Variants in SPATA9 observed in about 807,000 individuals in gnomAD.
The protein encoded by SPATA9 is spermatogenesis-associated protein 9.
SPATA9 carries 27 observed loss-of-function variants against 25.5 expected under a neutral mutation model. The observed-to-expected ratio is 1.06, with a 90% confidence interval of 0.78 to 1.46. The LOEUF is 1.46. SPATA9 is among the 40% of genes most tolerant of loss of function. The pLI is 0.00. For synonymous variants in SPATA9, 102 were observed against 105.7 expected, an observed-to-expected ratio of 0.97 and a Z score of 0.21; for missense variants, 282 against 297.5, an observed-to-expected ratio of 0.95 and a Z score of 0.38.
Position 95,680,731 on chromosome 5 carries a change from A to G in SPATA9, c.150+1797T>C, listed in dbSNP as rs114297740. Among the ~76,000 whole-genome samples the G allele has an allele frequency of 5.7e-3, 875 of 152,312 alleles. 13 individuals carry two copies. Among genetic ancestry groups the G allele is most frequent in the African/African-American group, 0.02 (817 of 41,566 alleles). On this transcript the variant is annotated intron_variant, in intron 2 of 4. Transcript: ENST00000274432. ...CACTATACACTGATGATTCCCAAAT[A>G]TACATCTTCAGCCGGGCTTCTCTTG...
In SPATA9 at chr5:95,673,946, G is replaced by C. The variant is rs139234195; in HGVS notation, c.378+1466C>G. ...GTGGAGACAGGGTTTCGCCATGTTG[G>C]CCAGGCTGGTCTCAAACTCCTGAGC... On this transcript the variant is annotated intron_variant, in intron 3 of 4. Transcript: ENST00000274432. Among the ~76,000 whole-genome samples, 888 of 152,010 alleles carry C rather than the reference G, an allele frequency of 5.8e-3. 3 individuals carry two copies. Among genetic ancestry groups the C allele is most frequent in the Non-Finnish European group, 9.8e-3 (667 of 67,950 alleles).
the SPATA9 span, among the ~76,000 whole-genome samples, chr5:95,722,775 G>A: frequency 5.9e-5 from 9 of 152,138 alleles, no homozygotes; most frequent in Non-Finnish European, 1.2e-4. Context: ...GAGCCACTGC[G>A]CCCAGCCTAA....
the SPATA9 span, among the ~76,000 whole-genome samples, chr5:95,715,811 C>G: frequency 9.9e-5 from 15 of 151,834 alleles, no homozygotes; most frequent in Non-Finnish European, 4.4e-5. Context: ...AATGAGAAGC[C>G]ATATGTAACA....
the SPATA9 span, chr5:95,731,958 G>A: frequency 6.2e-7 from 1 of 1,614,152 alleles, no homozygotes; most frequent in South Asian, 1.1e-5. Context: ...GAAGCCCTCT[G>A]GTCTCCGGGG....
downstream of SPATA9, chr5:95,654,002 T>C (rs1750542513): frequency 5.5e-6 from 8 of 1,466,568 alleles, no homozygotes; most frequent in Admixed American, 1.5e-4. Flanking sequence ...TTATCTCCAT[T>C]AAGCTGGAAC....
the SPATA9 span, among the ~76,000 whole-genome samples, chr5:95,706,384 T>C: frequency 6.6e-6 from 1 of 151,560 alleles, no homozygotes; most frequent in Non-Finnish European, 1.5e-5. Flanking sequence ...GTGTAGCACC[T>C]CCCCCTTCCC....
intron 2 of SPATA9, among the ~76,000 whole-genome samples, chr5:95,679,692 C>T (rs377452935): frequency 6.6e-6 from 1 of 152,210 alleles, no homozygotes; most frequent in Admixed American, 6.5e-5. Context: ...ATGACCGCCT[C>T]TTCCTATGAT....
chr5:95,715,783 C>T, the SPATA9 span, among the ~76,000 whole-genome samples: 13 of 152,112 alleles, frequency 8.5e-5, no homozygotes, highest in African/African-American at 2.4e-4. Context: ...AACAAAGAAA[C>T]TAAAAGATTA....
At chr5:95,662,572 T>G (rs1418807385) in intron 4 of SPATA9, among the ~76,000 whole-genome samples, 1 of 152,142 alleles carries the variant, frequency 6.6e-6, no homozygotes, top group Non-Finnish European at 1.5e-5. Context: ...GCTAAGAATT[T>G]CTTCCTTAAA....
At chr5:95,680,535 C>T (rs114887684) in intron 2 of SPATA9, among the ~76,000 whole-genome samples, 49 of 152,288 alleles carry the variant, frequency 3.2e-4, no homozygotes, top group African/African-American at 1.1e-3. Flanking sequence ...TCTTCATTCT[C>T]TTCTTTTCTC....
At chr5:95,704,013 A>G in the SPATA9 span, among the ~76,000 whole-genome samples, 1 of 152,140 alleles carries the variant, frequency 6.6e-6, no homozygotes, top group African/African-American at 2.4e-5. Context: ...ACAAACGTGC[A>G]TGCAGATACA....
downstream of SPATA9, chr5:95,655,368 A>G (rs1041104023): frequency 6.6e-6 from 1 of 152,198 alleles, no homozygotes; most frequent in Non-Finnish European, 1.5e-5. Context: ...AATTTTCTCC[A>G]GTTTCAGTCC....
chr5:95,696,893 A>G (rs1354025099), intron 1 of SPATA9, among the ~76,000 whole-genome samples: 1 of 152,208 alleles, frequency 6.6e-6, no homozygotes, highest in Non-Finnish European at 1.5e-5. Context: ...TAATTTCTTA[A>G]AGATTAGGTG....
intron 2 of SPATA9, among the ~76,000 whole-genome samples, chr5:95,677,147 T>C (rs1473622287): frequency 6.6e-6 from 1 of 152,190 alleles, no homozygotes; most frequent in African/African-American, 2.4e-5. Context: ...TTGCATCCCT[T>C]CTCTGCTATA....
chr5:95,654,463 T>C (rs1750600843), downstream of SPATA9: 1 of 843,384 alleles, frequency 1.2e-6, no homozygotes, highest in African/African-American at 1.7e-5. Context: ...ATGCTTTGAA[T>C]ATAATTCCAA....
upstream of SPATA9, chr5:95,682,999 T>G (rs569425402): frequency 2.4e-5 from 32 of 1,336,718 alleles, no homozygotes; most frequent in African/African-American, 4.5e-4. Flanking sequence ...ACTGCTGGAA[T>G]TCTTTGTTAC....
chr5:95,659,055 G>T (rs1751003558), intron 4 of SPATA9, 142 bp from the exon 5 acceptor site: 9 of 1,029,634 alleles, frequency 8.7e-6, no homozygotes, highest in Non-Finnish European at 9.5e-6. Context: ...GGACCTTCAG[G>T]TACATAATAT....
chr5:95,683,104 A>C, upstream of SPATA9: 2 of 883,410 alleles, frequency 2.3e-6, no homozygotes, highest in Non-Finnish European at 3.0e-6. Flanking sequence ...TAAGGGAAGG[A>C]GTGAGGGGAT....
intron 3 of SPATA9, among the ~76,000 whole-genome samples, chr5:95,671,913 T>TA (rs201985677): frequency 0.015 from 1,406 of 93,730 alleles, 20 homozygotes; most frequent in African/African-American, 0.065. Flanking sequence ...AAAGTATAAT[T>TA]AAAAAAAGTA....
Sources: gnomAD v4.1 joint callset for allele counts (sites outside exome capture counted in the v4.1 genomes callset) on GRCh38, gnomAD v4.1.1 for gene constraint, MANE v1.5 for transcripts, NCBI Gene and HGNC (gene_info 2026-07-23, HGNC 2026-07-21) for gene names.